Variants in OLFM1 observed in about 807,000 individuals in gnomAD.
The protein encoded by OLFM1 is noelin.
OLFM1 carries 9 observed loss-of-function variants against 49.7 expected under a neutral mutation model. That is an observed-to-expected ratio of 0.18 (90% CI 0.11 to 0.32). OLFM1 has a LOEUF of 0.32. OLFM1 is among the 10% of genes least tolerant of loss of function. OLFM1 has a pLI of 1.00. For missense variants in OLFM1, 369 were observed against 661.8 expected, an observed-to-expected ratio of 0.56 and a Z score of 4.85; for synonymous variants, 240 against 271.8, an observed-to-expected ratio of 0.88 and a Z score of 1.15.
chr9:135,094,383 G>A (rs1224856354), intron 2 of OLFM1, among the ~76,000 whole-genome samples: 1 of 152,218 alleles, frequency 6.6e-6, no homozygotes, highest in African/African-American at 2.4e-5. Flanking sequence ...GTCCATCAGA[G>A]AAGCCTCCCT....
Position 135,120,163 on chromosome 9 carries a change from C to T in OLFM1, c.1443C>T (p.Arg481=). The T allele has an allele frequency of 6.2e-7, 1 of 1,610,480 alleles. No individual in the cohort carries two copies. Among genetic ancestry groups the T allele is most frequent in the East Asian group, 2.2e-5 (1 of 44,866 alleles). Reference sequence around the variant, plus strand: ...ACGTGACCCTCTTCCACGTCATCCGCTCCGACGAGTTGTAGCTCCCTCCTC... The same window carrying T: ...ACGTGACCCTCTTCCACGTCATCCGTTCCGACGAGTTGTAGCTCCCTCCTC... ...LYNVTLFHVI[R]SDEL The change falls in exon 6 of 6, where the codon CGC becomes CGT. Residue 481 remains arginine, a synonymous_variant. Coordinates refer to ENST00000371793, the MANE Select transcript of OLFM1 (RefSeq NM_001282611.2).
At chr9:135,077,299 G>T in intron 1 of OLFM1, 1 of 1,431,770 alleles carries the variant, frequency 7.0e-7, no homozygotes, top group African/African-American at 1.4e-5. Context: ...GATTCTGGGT[G>T]GTCCTGGACA....
chr9:135,111,750 G>A (rs530820912), intron 5 of OLFM1, among the ~76,000 whole-genome samples: 56 of 152,178 alleles, frequency 3.7e-4, no homozygotes, highest in Admixed American at 2.2e-3. Context: ...TTGCTCTGTC[G>A]TCAGACTGGA....
rs768092796 is a variant in OLFM1 at position 135,098,255 on chromosome 9, C to T, written c.457-31C>T. 22 of 1,606,214 alleles carry T rather than the reference C, an allele frequency of 1.4e-5. No homozygotes were observed. The highest frequency in any genetic ancestry group is 1.7e-4 in the Middle Eastern group (1 of 6,054). ...AGGGTGTGAGAGTTCTTGCATGCAT[C>T]GCACTGAACCAGCTTATTTTAACCT... On this transcript the variant is annotated intron_variant, in intron 3 of 5. Coordinates refer to ENST00000371793, the MANE Select transcript of OLFM1 (RefSeq NM_001282611.2). The surrounding 1 kb of genome is among the most constrained non-coding windows in gnomAD (Gnocchi z 5.6).
At chr9:135,111,078 A>G (rs1831015834) in intron 5 of OLFM1, among the ~76,000 whole-genome samples, 4 of 152,176 alleles carry the variant, frequency 2.6e-5, no homozygotes, top group Admixed American at 2.0e-4. Context: ...GGAAAATCCC[A>G]CGTTCTCAGT....
intron 1 of OLFM1, chr9:135,076,931 G>A: frequency 6.4e-7 from 1 of 1,550,630 alleles, no homozygotes; most frequent in East Asian, 2.4e-5. Context: ...CTGGCTCCCT[G>A]GCTCTGCCCA....
chr9:135,079,983 G>A (rs966074854), intron 1 of OLFM1, among the ~76,000 whole-genome samples: 27 of 152,024 alleles, frequency 1.8e-4, no homozygotes, highest in Admixed American at 4.6e-4. Flanking sequence ...GGGCAGACCC[G>A]GGACTGCACT....
intron 1 of OLFM1, chr9:135,076,428 A>G: frequency 2.7e-6 from 4 of 1,454,798 alleles, no homozygotes; most frequent in Non-Finnish European, 3.6e-6. Flanking sequence ...TGGTGTGGGG[A>G]TCGTGGGCAT....
At chr9:135,118,367 ACTGGGTCTTTGGAGTGCTCG>A (rs1460086996) in intron 5 of OLFM1, among the ~76,000 whole-genome samples, 121 of 136,298 alleles carry the variant, frequency 8.9e-4, no homozygotes, top group Admixed American at 3.8e-3. Flanking sequence ...GGAAATGCTC[ACTGGGTCTTTGGAGTGCTCG>A]CTGGGTCTTT....
At chr9:135,116,661 A>G (rs1564281471) in intron 5 of OLFM1, among the ~76,000 whole-genome samples, 1 of 152,034 alleles carries the variant, frequency 6.6e-6, no homozygotes, top group Non-Finnish European at 1.5e-5. Flanking sequence ...GAGGAATGGT[A>G]TTAGATGTGA....
chr9:135,083,530 C>T (rs1034812880), upstream of OLFM1, among the ~76,000 whole-genome samples: 4 of 152,178 alleles, frequency 2.6e-5, no homozygotes, highest in Non-Finnish European at 5.9e-5. Context: ...GGATGCTCTC[C>T]CCAGGGCAAG....
At chr9:135,114,120 A>ATTTT (rs1564280453) in intron 5 of OLFM1, among the ~76,000 whole-genome samples, 82 of 72,396 alleles carry the variant, frequency 1.1e-3, no homozygotes, top group Non-Finnish European at 1.6e-3. Flanking sequence ...TCATCTTGAG[A>ATTTT]TTCTTTTTTT....
At chr9:135,093,609 T>A (rs186040707) in intron 2 of OLFM1, among the ~76,000 whole-genome samples, 1 of 152,328 alleles carries the variant, frequency 6.6e-6, no homozygotes, top group East Asian at 1.9e-4. Context: ...CGCTTCTTAA[T>A]GCCTGCTGCC....
chr9:135,115,822 G>A (rs111280865), intron 5 of OLFM1, among the ~76,000 whole-genome samples: 2,499 of 152,298 alleles, frequency 0.016, 72 homozygotes, highest in African/African-American at 0.056. Flanking sequence ...GGGCGATCAC[G>A]GCTCCCTGGG....
At chr9:135,100,897 G>T (rs12005014) in intron 4 of OLFM1, among the ~76,000 whole-genome samples, 2 of 149,202 alleles carry the variant, frequency 1.3e-5, no homozygotes, top group Middle Eastern at 3.2e-3. Flanking sequence ...CTGATAACTG[G>T]ATAGGTAGTT....
intron 1 of OLFM1, chr9:135,077,395 C>A: frequency 2.4e-6 from 2 of 848,492 alleles, no homozygotes; most frequent in South Asian, 8.4e-5. Context: ...TCCCTAAGTT[C>A]TCCTCTTTGT....
chr9:135,101,651 G>A (rs1425596884), intron 4 of OLFM1, among the ~76,000 whole-genome samples: 2 of 152,362 alleles, frequency 1.3e-5, no homozygotes, highest in African/African-American at 4.8e-5. Flanking sequence ...CAGGCAAGGG[G>A]AGAGTCAGTG....
intron 4 of OLFM1, among the ~76,000 whole-genome samples, chr9:135,104,866 G>A (rs11103672): frequency 0.14 from 20,569 of 152,228 alleles, 1,469 homozygotes; most frequent in Non-Finnish European, 0.16. Flanking sequence ...CCACCTCTCC[G>A]CCAGCGAGTT....
rs768328899 is a variant in OLFM1, at chr9:135,098,361, G to C, written c.532G>C (p.Val178Leu). 1.9e-6 allele frequency: 3 copies of C among 1,613,912 alleles called. No individual in the cohort carries two copies. In the East Asian group the frequency reaches 6.7e-5, roughly 36 times the overall value. The change falls in exon 4 of 6, where the codon GTA becomes CTA. Residue 178 changes from valine (V) to leucine (L), a missense_variant. Val to Leu is a conservative substitution (Grantham distance 32, BLOSUM62 1). Coordinates refer to ENST00000371793, the MANE Select transcript of OLFM1 (RefSeq NM_001282611.2). This position sits in a 1 kb window ranked among gnomAD's most constrained non-coding sequence, Gnocchi z 5.6. ...LEEYKADAKL[V>L]LQFKEEVQNL... ...AGAGTACAAGGCCGATGCCAAATTG[G>C]TATTGCAGTTTAAAGAGGAGGTCCA...
Sources: gnomAD v4.1 joint callset for allele counts (sites outside exome capture counted in the v4.1 genomes callset) on GRCh38, gnomAD v4.1.1 for gene constraint, Gnocchi (gnomAD v3.1) non-coding constraint, MANE v1.5 for transcripts, NCBI Gene and HGNC (gene_info 2026-07-23, HGNC 2026-07-21) for gene names.